The following SLC38A8 variants were observed in gnomAD, a reference collection of about 807,000 sequenced individuals.
The protein encoded by SLC38A8 is solute carrier family 38 member 8.
SLC38A8 carries 65 observed loss-of-function variants against 46.0 expected under a neutral mutation model. The observed-to-expected ratio is 1.41, with a 90% CI of 1.16 to 1.74. The LOEUF (loss-of-function observed/expected upper bound fraction) is 1.74, where lower values mean the gene tolerates loss of function less well. Among genes scored for constraint, SLC38A8 ranks in the 40% most tolerant of loss-of-function variants. SLC38A8 has a pLI of 0.00. For synonymous variants in SLC38A8, 447 were observed against 243.7 expected, an observed-to-expected ratio of 1.83 and a Z score of -7.77; for missense variants, 998 against 567.9, an observed-to-expected ratio of 1.76 and a Z score of -7.70.
rs573821154 is a variant in SLC38A8 at position 84,016,608 on chromosome 16, G to A, written c.1073C>T (p.Thr358Met). The A allele has an allele frequency of 1.3e-4, 205 of 1,613,964 alleles. No individual in the cohort carries two copies. The highest frequency in any genetic ancestry group is 9.3e-4 in the Admixed American group (56 of 60,026). The change falls in exon 9 of 11, where the codon ACG becomes ATG. Residue 358 changes from threonine to methionine, a missense_variant. Coordinates refer to ENST00000299709, the MANE Select transcript of SLC38A8 (RefSeq NM_001080442.3). ...AGGCATAAACAGCGCCATGGCGAGC[G>A]TCACGGTGACCCACAGGATGGTCAG... is the stretch of plus-strand genomic sequence containing the variant. Reference protein sequence around the residue: ...MPLTILWVTVTLAMALFMPDL... With the variant: ...MPLTILWVTVMLAMALFMPDL...
In SLC38A8 at chr16:84,029,191, C is replaced by G. The variant is rs200318453; in HGVS notation, c.690+303G>C. Among the ~76,000 whole-genome samples, 12 of 152,278 alleles carry G rather than the reference C, an allele frequency of 7.9e-5. No individual in the cohort carries two copies. In the East Asian group the frequency reaches 2.3e-3, roughly 29 times the overall value. ...TGTGGGGGTTCTGCAGAGGAAGGGA[C>G]AGGTCCCGGGTCCCCACACTCTACG... On this transcript the variant is annotated intron_variant, in intron 6 of 10. Transcript: ENST00000299709.
Position 84,021,986 on chromosome 16 carries a change from A to G in SLC38A8, c.805+789T>C, listed in dbSNP as rs996181305. ...ACCAGCCCCACTCCCATGATAACCTATTAATCCACTAATCCATGAATAGAT... is the reference window on the plus strand; with the variant it reads ...ACCAGCCCCACTCCCATGATAACCTGTTAATCCACTAATCCATGAATAGAT... On this transcript the variant is annotated intron_variant, in intron 7 of 10. Transcript: ENST00000299709. 2.8e-3 allele frequency among the ~76,000 whole-genome samples: 420 copies of G among 152,298 alleles called. 7 individuals are homozygous for G. Among genetic ancestry groups the G allele is most frequent in the Non-Finnish European group, 2.4e-4 (16 of 68,026 alleles).
At chr16:84,015,394 T>G (rs560480679) in intron 9 of SLC38A8, among the ~76,000 whole-genome samples, 1 of 152,152 alleles carries the variant, frequency 6.6e-6, no homozygotes, top group African/African-American at 2.4e-5. Flanking sequence ...GGTGTTTGCC[T>G]CCAGGGCCTG....
chr16:84,016,164 T>G (rs1309911543), intron 9 of SLC38A8, among the ~76,000 whole-genome samples: 1 of 152,192 alleles, frequency 6.6e-6, no homozygotes, highest in Non-Finnish European at 1.5e-5. Context: ...CCATCAGATC[T>G]CATGAGACTT....
At chr16:84,040,858 C>T (rs1488437177) in intron 2 of SLC38A8, among the ~76,000 whole-genome samples, 1 of 152,230 alleles carries the variant, frequency 6.6e-6, no homozygotes, top group East Asian at 1.9e-4. Context: ...TAAAACAAAG[C>T]TCCATGAGGA....
intron 2 of SLC38A8, among the ~76,000 whole-genome samples, chr16:84,037,858 G>C (rs959279144): frequency 2.8e-5 from 4 of 142,334 alleles, no homozygotes; most frequent in Non-Finnish European, 6.0e-5. Flanking sequence ...ACCCAGGCTG[G>C]AGTGCCATGG....
intron 9 of SLC38A8, among the ~76,000 whole-genome samples, chr16:84,015,577 C>CG (rs56160820): frequency 0.99 from 151,231 of 152,146 alleles, 75,160 homozygotes; most frequent in East Asian, 1. Flanking sequence ...GTGCCCCCGG[C>CG]GGGGGTTCAG....
At chr16:84,034,684 G>A (rs56237922) in intron 3 of SLC38A8, among the ~76,000 whole-genome samples, 3,815 of 152,288 alleles carry the variant, frequency 0.025, 178 homozygotes, top group African/African-American at 0.087. Flanking sequence ...ATGATGAAGG[G>A]GAAAGTTCCA....
intron 7 of SLC38A8, among the ~76,000 whole-genome samples, chr16:84,019,865 G>A (rs898112126): frequency 1.7e-4 from 26 of 152,246 alleles, no homozygotes; most frequent in Non-Finnish European, 3.5e-4. Flanking sequence ...AGACACTCAA[G>A]CGTCAAGCTG....
At chr16:84,022,956 T>C (rs1258899412) in intron 6 of SLC38A8, 67 bp from the exon 7 acceptor site, 20 of 1,180,230 alleles carry the variant, frequency 1.7e-5, no homozygotes, top group Admixed American at 9.1e-5. Context: ...GAAAAAAAAC[T>C]CATATCCAAA....
chr16:84,009,968 G>A (rs1288313740), intron 10 of SLC38A8, 91 bp from the exon 11 acceptor site: 2 of 977,194 alleles, frequency 2.0e-6, no homozygotes, highest in African/African-American at 3.3e-5. Context: ...GTAGAGCCCA[G>A]TATGGAGTCA....
chr16:84,028,782 G>A (rs1365297849), intron 6 of SLC38A8, among the ~76,000 whole-genome samples: 1 of 150,980 alleles, frequency 6.6e-6, no homozygotes. Context: ...TCACATCGGT[G>A]ACCCACCTAT....
At chr16:84,024,621 A>T (rs749267479) in intron 6 of SLC38A8, among the ~76,000 whole-genome samples, 20 of 152,064 alleles carry the variant, frequency 1.3e-4, no homozygotes, top group Non-Finnish European at 2.9e-4. Context: ...TCTCTACTAA[A>T]AGTATAAAAA....
chr16:84,025,951 G>T (rs538812177), intron 6 of SLC38A8, among the ~76,000 whole-genome samples: 20 of 152,316 alleles, frequency 1.3e-4, no homozygotes, highest in African/African-American at 4.6e-4. Flanking sequence ...AGCACTTGTG[G>T]GGCTCACCCC....
intron 7 of SLC38A8, among the ~76,000 whole-genome samples, chr16:84,019,924 G>A (rs1348607635): frequency 3.3e-5 from 5 of 152,252 alleles, no homozygotes; most frequent in Non-Finnish European, 7.3e-5. Context: ...ACACACTGAG[G>A]CAACCCCACT....
At chr16:84,036,927 C>A (rs1197446093) in intron 2 of SLC38A8, 27 bp from the exon 3 acceptor site, 2 of 1,584,672 alleles carry the variant, frequency 1.3e-6, no homozygotes, top group Non-Finnish European at 1.7e-6. Flanking sequence ...GGACCTGGAA[C>A]TGGGGTGTGC....
At chr16:84,014,505 C>G (rs146703460) in intron 9 of SLC38A8, among the ~76,000 whole-genome samples, 70 of 152,070 alleles carry the variant, frequency 4.6e-4, no homozygotes, top group African/African-American at 1.5e-3. Flanking sequence ...TGTGAAAGCG[C>G]CACCCTAAGC....
intron 7 of SLC38A8, among the ~76,000 whole-genome samples, chr16:84,019,939 C>T (rs542215724): frequency 2.5e-4 from 38 of 152,378 alleles, no homozygotes; most frequent in South Asian, 4.1e-4. Flanking sequence ...CCCACTCCTA[C>T]GGCTTTGCCG....
chr16:84,039,484 G>T (rs4782880), intron 2 of SLC38A8, among the ~76,000 whole-genome samples: 1 of 152,016 alleles, frequency 6.6e-6, no homozygotes, highest in African/African-American at 2.4e-5. Context: ...GTGGCTCATG[G>T]CTGTAATCCC....
Sources: allele counts gnomAD v4.1 joint callset (sites outside exome capture counted in the v4.1 genomes callset), GRCh38; gene constraint gnomAD v4.1.1; transcripts MANE v1.5; gene names NCBI Gene and HGNC (gene_info 2026-07-23, HGNC 2026-07-21).